The following RAB8B variants were observed in gnomAD, a reference collection of about 807,000 sequenced individuals.
The protein encoded by RAB8B is RAB8B, member RAS oncogene family.
A neutral mutation model predicts 32.0 loss-of-function variants in RAB8B; 11 were observed. The observed-to-expected ratio is 0.34, with a 90% CI of 0.22 to 0.57. The LOEUF is 0.57. RAB8B is among the 20% of genes least tolerant of loss of function. The probability of loss-of-function intolerance (pLI) is 0.86; values close to 1 mark genes in which losing one functional copy is unlikely to be tolerated. For missense variants in RAB8B, 190 were observed against 258.5 expected (o/e 0.73, Z 1.82); for synonymous variants, 103 against 89.6 (o/e 1.15, Z -0.85).
intron 1 of RAB8B, among the ~76,000 whole-genome samples, chr15:63,238,198 A>G (rs1299864674): frequency 6.6e-6 from 1 of 151,684 alleles, no homozygotes; most frequent in Non-Finnish European, 1.5e-5. Context: ...TTCAAAAACT[A>G]TGTTTTTTGA....
chr15:63,207,964 C>T (rs28706009), intron 1 of RAB8B, among the ~76,000 whole-genome samples: 8,238 of 127,364 alleles, frequency 0.065, 692 homozygotes, highest in African/African-American at 0.19. Flanking sequence ...CTGGACTTTG[C>T]CATGTCCTTC....
At chr15:63,244,317 A>G (rs775262198) in intron 1 of RAB8B, among the ~76,000 whole-genome samples, 2 of 152,140 alleles carry the variant, frequency 1.3e-5, no homozygotes, top group Non-Finnish European at 2.9e-5. Context: ...TTTTTTCCTT[A>G]GTCAGTTGCA....
At chr15:63,247,204 TA>T (rs777156477) in intron 2 of RAB8B, among the ~76,000 whole-genome samples, 9 of 152,194 alleles carry the variant, frequency 5.9e-5, no homozygotes, top group Non-Finnish European at 1.2e-4. Context: ...TGAAGAGCAC[TA>T]ATCCCTTTCA....
At chr15:63,197,570 C>T (rs1264634726) in intron 1 of RAB8B, among the ~76,000 whole-genome samples, 3 of 151,780 alleles carry the variant, frequency 2.0e-5, no homozygotes, top group Admixed American at 2.0e-4. Flanking sequence ...GAGAAGGTTT[C>T]GCTGTGTTGT....
chr15:63,198,878 T>C (rs917608890), intron 1 of RAB8B, among the ~76,000 whole-genome samples: 5 of 152,226 alleles, frequency 3.3e-5, no homozygotes, highest in Admixed American at 3.3e-4. Context: ...CACACATACA[T>C]ACGAATACAC....
intron 1 of RAB8B, among the ~76,000 whole-genome samples, chr15:63,231,519 G>A (rs1412796106): frequency 6.2e-5 from 9 of 144,322 alleles, no homozygotes; most frequent in Non-Finnish European, 1.1e-4. Flanking sequence ...TTTAACTTCA[G>A]TTTTTGAATG....
At chr15:63,214,092 A>C (rs1347848883) in intron 1 of RAB8B, among the ~76,000 whole-genome samples, 1 of 151,792 alleles carries the variant, frequency 6.6e-6, no homozygotes, top group Non-Finnish European at 1.5e-5. Context: ...GGGGAAAAAA[A>C]AAAGTGGTTT....
At chr15:63,250,485 T>C (rs1279451677) in intron 3 of RAB8B, among the ~76,000 whole-genome samples, 2 of 152,190 alleles carry the variant, frequency 1.3e-5, no homozygotes, top group Admixed American at 6.5e-5. Context: ...CTGGTGAATC[T>C]TGACTACCAA....
In RAB8B at chr15:63,259,840, ATTT is replaced by A; in HGVS notation, c.480+159_480+161del. ...TACTTTGTACACTTTTGTGCTTCTGATTTTTTTTTTTTTGAGATGGAGTCTCAC... is the reference window on the plus strand; with the variant it reads ...TACTTTGTACACTTTTGTGCTTCTGATTTTTTTTTTGAGATGGAGTCTCAC... On this transcript the variant is annotated intron_variant, in intron 6 of 7. Transcript: ENST00000321437. This position sits in a 1 kb window ranked among gnomAD's most constrained non-coding sequence, Gnocchi z 4.4. The A allele has an allele frequency of 3.0e-5, 16 of 534,496 alleles. No individual in the cohort carries two copies. Among genetic ancestry groups the A allele is most frequent in the Admixed American group, 7.2e-5 (2 of 27,814 alleles). 33.1% of individuals were successfully genotyped at this position (534,496 alleles called of 1,614,324 possible).
chr15:63,244,484 A>T (rs1184830463), intron 1 of RAB8B, among the ~76,000 whole-genome samples: 1 of 152,224 alleles, frequency 6.6e-6, no homozygotes. Context: ...AATCTATCTA[A>T]ATTATATAAC....
intron 1 of RAB8B, among the ~76,000 whole-genome samples, chr15:63,214,480 C>T (rs544633142): frequency 3.3e-5 from 5 of 151,744 alleles, no homozygotes; most frequent in South Asian, 2.1e-4. Context: ...TCAGTAGAGA[C>T]GGGGTTTCAC....
intron 1 of RAB8B, among the ~76,000 whole-genome samples, chr15:63,234,703 G>T (rs1322893659): frequency 1.3e-5 from 2 of 152,152 alleles, no homozygotes; most frequent in Non-Finnish European, 2.9e-5. Context: ...ATGCCCTGTG[G>T]GTTGCGCTGG....
Position 63,189,660 on chromosome 15 carries a change from G to A in RAB8B, c.36G>A (p.Leu12=), listed in dbSNP as rs1202300387. ...AKTYDYLFKL[L]LIGDSGVGKT... ...CGTACGATTATCTCTTCAAGCTCCT[G>A]CTGATCGGCGACTCGGGGGTAGGCA... Residue 12 remains leucine (L), a synonymous_variant, in exon 1 of 8, where the codon CTG becomes CTA. Transcript: ENST00000321437. 2.5e-6 allele frequency: 4 copies of A among 1,614,040 alleles called. No individual in the cohort carries two copies. Among genetic ancestry groups the A allele is most frequent in the East Asian group, 2.2e-5 (1 of 44,866 alleles).
intron 1 of RAB8B, among the ~76,000 whole-genome samples, chr15:63,200,858 T>A (rs2729791): frequency 3.3e-5 from 5 of 152,200 alleles, no homozygotes; most frequent in African/African-American, 4.8e-5. Flanking sequence ...CCTTCATTTC[T>A]CTTGCTATGA....
rs1488094593 is a variant in RAB8B, at chr15:63,248,673, C to T, written c.186-972C>T. 3.9e-5 allele frequency among the ~76,000 whole-genome samples: 6 copies of T among 152,166 alleles called. No homozygotes were observed. The highest frequency in any genetic ancestry group is 1.4e-4 in the African/African-American group (6 of 41,424). On this transcript the variant is annotated intron_variant, in intron 2 of 7. Transcript: ENST00000321437. This position sits in a 1 kb window ranked among gnomAD's most constrained non-coding sequence, Gnocchi z 4.4. ...CCCTAATGGGCTGTGGTAGACATCACGTGAGTGCAGTGTGAAAGTATTTTG... is the reference window on the plus strand; with the variant it reads ...CCCTAATGGGCTGTGGTAGACATCATGTGAGTGCAGTGTGAAAGTATTTTG...
intron 1 of RAB8B, among the ~76,000 whole-genome samples, chr15:63,217,296 C>A (rs1164572130): frequency 2.0e-5 from 3 of 152,112 alleles, no homozygotes; most frequent in Non-Finnish European, 2.9e-5. Flanking sequence ...GTAAAAGATG[C>A]AAAAATAAAC....
At chr15:63,249,559 T>A (rs2038097874) in intron 2 of RAB8B, 86 bp from the exon 3 acceptor site, 1 of 1,284,986 alleles carries the variant, frequency 7.8e-7, no homozygotes, top group South Asian at 1.2e-5. Context: ...CTGAGCAGAC[T>A]AGAATTACAT....
chr15:63,244,342 A>C (rs1316606027), intron 1 of RAB8B, among the ~76,000 whole-genome samples: 7 of 152,186 alleles, frequency 4.6e-5, no homozygotes, highest in Non-Finnish European at 4.4e-5. Context: ...CTGAAGAAAA[A>C]AGTGGAAGGA....
At position 63,266,173 on chromosome 15, in the gene RAB8B, A is replaced by G. The variant is rs1446456966; in HGVS notation, c.*2554A>G. The G allele has an allele frequency of 6.6e-6, 1 of 152,558 alleles. No homozygotes were observed. Among genetic ancestry groups the G allele is most frequent in the Non-Finnish European group, 1.5e-5 (1 of 67,990 alleles). The allele number at this position is 152,558 out of a possible 1,614,324, so 9.5% of individuals were successfully genotyped here. A position where few individuals can be genotyped will look rare whatever the true frequency, so the allele number is the denominator to read the frequency against. Reference sequence around the variant, plus strand: ...GAACATTTTTGTGGTCTTATGGATAAGGTACATGAAGATTTTTGCAGCAGT... The same window carrying G: ...GAACATTTTTGTGGTCTTATGGATAGGGTACATGAAGATTTTTGCAGCAGT... On this transcript the variant is annotated 3_prime_UTR_variant, in exon 8 of 8. Coordinates refer to ENST00000321437, the MANE Select transcript of RAB8B (RefSeq NM_016530.3).
Sources: allele counts gnomAD v4.1 joint callset (sites outside exome capture counted in the v4.1 genomes callset), GRCh38; gene constraint gnomAD v4.1.1; non-coding constraint Gnocchi (gnomAD v3.1); transcripts MANE v1.5; gene names NCBI Gene and HGNC (gene_info 2026-07-23, HGNC 2026-07-21).